The following GRIP1 variants were observed in gnomAD, a reference collection of about 807,000 sequenced individuals.
GRIP1 encodes glutamate receptor interacting protein 1.
Under a neutral mutation model 129.9 loss-of-function variants are expected in GRIP1, and 45 were observed. The ratio of observed to expected loss-of-function variants is 0.35; its 90% CI spans 0.27 to 0.44. The LOEUF is 0.44. Ranked by LOEUF, GRIP1 falls within the 20% of genes least tolerant of loss-of-function variation. GRIP1 has a pLI of 1.00. For missense variants in GRIP1, 1,196 were observed against 1,396.8 expected, an observed-to-expected ratio of 0.86 and a Z score of 2.29; for synonymous variants, 530 against 520.8, an observed-to-expected ratio of 1.02 and a Z score of -0.24.
chr12:66,841,807 C>T (rs770448361), intron 1 of GRIP1, among the ~76,000 whole-genome samples: 9 of 152,190 alleles, frequency 5.9e-5, no homozygotes, highest in Non-Finnish European at 1.3e-4. Flanking sequence ...GGTAAACATC[C>T]TCCTTTCACA....
At chr12:66,976,815 CATT>C in intron 1 of GRIP1, among the ~76,000 whole-genome samples, 1 of 152,242 alleles carries the variant, frequency 6.6e-6, no homozygotes, top group East Asian at 1.9e-4. Flanking sequence ...CTTCTAATGT[CATT>C]ATTTCTACTT....
intron 1 of GRIP1, among the ~76,000 whole-genome samples, chr12:66,853,742 T>G (rs1376932341): frequency 6.6e-6 from 1 of 152,092 alleles, no homozygotes; most frequent in African/African-American, 2.4e-5. Context: ...AAGAGAACCC[T>G]TAGCAAATTA....
chr12:66,803,879 C>G (rs965173400), intron 1 of GRIP1: 2 of 311,328 alleles, frequency 6.4e-6, no homozygotes, highest in Non-Finnish European at 1.3e-5. Flanking sequence ...ATGCTATTAT[C>G]TAATGGCTGT....
intron 2 of GRIP1, among the ~76,000 whole-genome samples, chr12:66,584,296 T>G (rs1197067553): frequency 6.6e-6 from 1 of 151,582 alleles, no homozygotes; most frequent in Admixed American, 6.6e-5. Flanking sequence ...TTGGGAGATA[T>G]ACCTAATGCT....
chr12:66,406,964 C>T (rs957104370), intron 15 of GRIP1, among the ~76,000 whole-genome samples: 12 of 151,808 alleles, frequency 7.9e-5, no homozygotes, highest in Non-Finnish European at 4.4e-5. Context: ...GGAAAGTGGC[C>T]ACTGAGACTC....
intron 1 of GRIP1, among the ~76,000 whole-genome samples, chr12:66,700,955 A>G (rs2035330698): frequency 6.6e-6 from 1 of 152,110 alleles, no homozygotes; most frequent in South Asian, 2.1e-4. Context: ...CTTGACCTAC[A>G]TGTTCATCCT....
chr12:66,533,879 A>ACTCTCTCTCTC (rs879391301), intron 4 of GRIP1, among the ~76,000 whole-genome samples: 3 of 131,102 alleles, frequency 2.3e-5, no homozygotes. Context: ...ACACACACAC[A>ACTCTCTCTCTC]TACACACACT....
chr12:66,652,308 G>A (rs549349181), intron 1 of GRIP1, among the ~76,000 whole-genome samples: 1 of 152,148 alleles, frequency 6.6e-6, no homozygotes, highest in Non-Finnish European at 1.5e-5. Flanking sequence ...CATGAGATCT[G>A]ATGGTTTTAC....
At chr12:66,590,776 C>G (rs1379075547) in intron 2 of GRIP1, among the ~76,000 whole-genome samples, 1 of 152,180 alleles carries the variant, frequency 6.6e-6, no homozygotes, top group East Asian at 1.9e-4. Context: ...GACCTATATT[C>G]CATTCATTAG....
chr12:66,482,052 C>G (rs2059821740), intron 7 of GRIP1, among the ~76,000 whole-genome samples: 2 of 152,216 alleles, frequency 1.3e-5, no homozygotes, highest in South Asian at 4.2e-4. Context: ...ACCTATGTAA[C>G]AAACCTGTAT....
At chr12:66,472,521 T>G (rs909861278) in intron 7 of GRIP1, among the ~76,000 whole-genome samples, 1 of 152,216 alleles carries the variant, frequency 6.6e-6, no homozygotes, top group Non-Finnish European at 1.5e-5. Context: ...TATTGAGTTA[T>G]CTGGTGGCTG....
rs566124511 is a variant in GRIP1, at chr12:67,030,867, A to G, written c.58+38183T>C. On this transcript the variant is annotated intron_variant, in intron 1 of 1. Coordinates refer to the GRIP1 transcript ENST00000643019. ...AAGGAGAAGAAATATGGACAGCAAC[A>G]AAGTTAGTTAGAAGCCTAATTACTA... 2.0e-5 allele frequency among the ~76,000 whole-genome samples: 3 copies of G among 152,232 alleles called. No individual in the cohort carries two copies. In the East Asian group the frequency reaches 5.8e-4, roughly 29 times the overall value.
At chr12:66,524,124 CAG>C (rs1487603296) in intron 5 of GRIP1, among the ~76,000 whole-genome samples, 1 of 152,098 alleles carries the variant, frequency 6.6e-6, no homozygotes, top group Non-Finnish European at 1.5e-5. Context: ...ATCAACGAGA[CAG>C]AAAGTTAACA....
chr12:66,579,082 C>T (rs978237484), intron 2 of GRIP1, among the ~76,000 whole-genome samples: 11 of 152,198 alleles, frequency 7.2e-5, no homozygotes, highest in Non-Finnish European at 1.3e-4. Flanking sequence ...AACGATCAGA[C>T]AGCAGCATTC....
At chr12:67,004,395 T>G (rs1406204706) in intron 1 of GRIP1, among the ~76,000 whole-genome samples, 1 of 152,206 alleles carries the variant, frequency 6.6e-6, no homozygotes, top group Non-Finnish European at 1.5e-5. Context: ...TTTGAGATTC[T>G]AAGTCTGGAA....
intron 1 of GRIP1, among the ~76,000 whole-genome samples, chr12:66,611,978 T>C (rs2064816852): frequency 6.6e-6 from 1 of 152,204 alleles, no homozygotes; most frequent in African/African-American, 2.4e-5. Flanking sequence ...ATAAAATATT[T>C]GAAACTTGGT....
At chr12:66,576,994 T>C (rs2032037459) in intron 2 of GRIP1, among the ~76,000 whole-genome samples, 1 of 152,256 alleles carries the variant, frequency 6.6e-6, no homozygotes, top group African/African-American at 2.4e-5. Context: ...AATGGTTTTC[T>C]TGAACTCTGT....
At chr12:66,618,101 C>T (rs944297592) in intron 1 of GRIP1, among the ~76,000 whole-genome samples, 16 of 152,110 alleles carry the variant, frequency 1.1e-4, no homozygotes, top group African/African-American at 3.6e-4. Context: ...TTTGAAATAG[C>T]TCAAAACTTC....
intron 1 of GRIP1, among the ~76,000 whole-genome samples, chr12:66,840,750 C>T (rs762135795): frequency 3.3e-5 from 5 of 152,194 alleles, no homozygotes; most frequent in Non-Finnish European, 5.9e-5. Flanking sequence ...TCTAACTGGT[C>T]ATTTGGGCTG....
Sources: gnomAD v4.1 joint callset for allele counts (sites outside exome capture counted in the v4.1 genomes callset) on GRCh38, gnomAD v4.1.1 for gene constraint, MANE v1.5 for transcripts, NCBI Gene and HGNC (gene_info 2026-07-23, HGNC 2026-07-21) for gene names.